TRPC6: variants seen among roughly 807,000 people sequenced by gnomAD.
The protein encoded by TRPC6 is short transient receptor potential channel 6.
Under a neutral mutation model 90.7 loss-of-function variants are expected in TRPC6, and 55 were observed. The ratio of observed to expected loss-of-function variants is 0.61; its 90% confidence interval spans 0.49 to 0.76. The LOEUF is 0.76. Among genes scored for constraint, TRPC6 ranks in the 30% least tolerant of loss-of-function variants. TRPC6 has a pLI of 0.00. For missense variants in TRPC6, 989 were observed against 1,122.7 expected (o/e 0.88, Z 1.70); for synonymous variants, 393 against 393.0 (o/e 1.00, Z 0.00).
chr11:101,559,735 T>G (rs866311669), intron 1 of TRPC6, among the ~76,000 whole-genome samples: 6 of 151,206 alleles, frequency 4.0e-5, no homozygotes, highest in Middle Eastern at 3.4e-3. Flanking sequence ...CTGCACCCAT[T>G]AACTCATCAT....
intron 2 of TRPC6, among the ~76,000 whole-genome samples, chr11:101,497,554 G>C (rs1471451759): frequency 6.6e-6 from 1 of 152,150 alleles, no homozygotes; most frequent in African/African-American, 2.4e-5. Context: ...GTCAGCAGCA[G>C]AGGCATCTGG....
chr11:101,513,501 C>T (rs1356301330), intron 1 of TRPC6, among the ~76,000 whole-genome samples: 1 of 151,926 alleles, frequency 6.6e-6, no homozygotes, highest in Non-Finnish European at 1.5e-5. Flanking sequence ...CCCAAAAAAA[C>T]CTACTGAAAT....
intron 1 of TRPC6, among the ~76,000 whole-genome samples, chr11:101,507,038 C>G (rs1230569745): frequency 6.6e-6 from 1 of 150,704 alleles, no homozygotes; most frequent in Middle Eastern, 3.4e-3. Flanking sequence ...CACACACACA[C>G]ACACACACAC....
At chr11:101,581,841 G>A (rs114916766) in intron 1 of TRPC6, among the ~76,000 whole-genome samples, 131 of 152,298 alleles carry the variant, frequency 8.6e-4, no homozygotes, top group African/African-American at 3.0e-3. Context: ...CTGTACCTAA[G>A]ACCTGCCTTC....
intron 1 of TRPC6, among the ~76,000 whole-genome samples, chr11:101,518,791 G>A (rs565734231): frequency 5.3e-5 from 8 of 152,176 alleles, no homozygotes; most frequent in Non-Finnish European, 1.0e-4. Context: ...AGCAACCTAA[G>A]TGTCCATCAA....
intron 10 of TRPC6, among the ~76,000 whole-genome samples, chr11:101,468,272 C>T (rs1046101982): frequency 1.3e-5 from 2 of 152,192 alleles, no homozygotes; most frequent in African/African-American, 4.8e-5. Flanking sequence ...GGGCTAATGG[C>T]TTAGGGTTCC....
chr11:101,464,555 G>A (rs768854293), intron 10 of TRPC6, among the ~76,000 whole-genome samples: 6 of 152,000 alleles, frequency 3.9e-5, no homozygotes, highest in Non-Finnish European at 7.4e-5. Flanking sequence ...GCCCTTCATT[G>A]TCTTTTGTTC....
intron 1 of TRPC6, among the ~76,000 whole-genome samples, chr11:101,517,715 A>C (rs2136770388): frequency 6.6e-6 from 1 of 152,328 alleles, no homozygotes; most frequent in South Asian, 2.1e-4. Flanking sequence ...GGAATATATA[A>C]AAATTATTAA....
intron 1 of TRPC6, among the ~76,000 whole-genome samples, chr11:101,573,506 A>G (rs78566629): frequency 0.015 from 2,221 of 152,292 alleles, 67 homozygotes; most frequent in Admixed American, 0.063. Context: ...GCTAATGTAA[A>G]TAAAGCTAGG....
chr11:101,457,729 C>G (rs977365575), intron 10 of TRPC6, among the ~76,000 whole-genome samples: 2 of 152,130 alleles, frequency 1.3e-5, no homozygotes, highest in African/African-American at 4.8e-5. Context: ...CCTCTATATC[C>G]TTGGGATCCT....
chr11:101,552,091 T>G (rs1861462666), intron 1 of TRPC6, among the ~76,000 whole-genome samples: 1 of 152,054 alleles, frequency 6.6e-6, no homozygotes, highest in Non-Finnish European at 1.5e-5. Context: ...ATCTTGTAAG[T>G]TTGCAAGTAA....
chr11:101,487,742 A>G (rs1170635221), intron 4 of TRPC6, among the ~76,000 whole-genome samples: 1 of 152,138 alleles, frequency 6.6e-6, no homozygotes, highest in Admixed American at 6.5e-5. Context: ...AATCTGAGAT[A>G]CCAAATTTTG....
intron 2 of TRPC6, among the ~76,000 whole-genome samples, chr11:101,495,089 T>G (rs1010797078): frequency 6.6e-6 from 1 of 152,224 alleles, no homozygotes; most frequent in Admixed American, 6.5e-5. Context: ...GTCATGTCTT[T>G]GGATCACACA....
At chr11:101,515,882 A>C (rs1860506411) in intron 1 of TRPC6, among the ~76,000 whole-genome samples, 1 of 152,142 alleles carries the variant, frequency 6.6e-6, no homozygotes, top group African/African-American at 2.4e-5. Context: ...AATTAATTTC[A>C]CTAAGGCTAG....
chr11:101,583,229 C>A, intron 1 of TRPC6, 105 bp downstream of exon 1: 2 of 1,477,456 alleles, frequency 1.4e-6, no homozygotes, highest in South Asian at 1.3e-5. Flanking sequence ...AGGAGGTACA[C>A]ACGCGGGTTC....
chr11:101,573,942 G>T (rs922726665), intron 1 of TRPC6, among the ~76,000 whole-genome samples: 1 of 127,988 alleles, frequency 7.8e-6, no homozygotes, highest in African/African-American at 3.0e-5. Context: ...GTGTGTGTGT[G>T]TGTGTGTGTG....
intron 11 of TRPC6, among the ~76,000 whole-genome samples, chr11:101,454,039 TG>T (rs1858827507): frequency 6.6e-6 from 1 of 152,124 alleles, no homozygotes; most frequent in South Asian, 2.1e-4. Context: ...AGTCTTTCAG[TG>T]GGGTAGGTAA....
intron 1 of TRPC6, among the ~76,000 whole-genome samples, chr11:101,562,499 A>G (rs1156296184): frequency 6.6e-6 from 1 of 152,128 alleles, no homozygotes; most frequent in Non-Finnish European, 1.5e-5. Flanking sequence ...TTTATATATT[A>G]TATGAAAATG....
chr11:101,458,666 C>A (rs566864298), intron 10 of TRPC6, among the ~76,000 whole-genome samples: 1 of 152,212 alleles, frequency 6.6e-6, no homozygotes, highest in East Asian at 1.9e-4. Flanking sequence ...TGCTAGCAAC[C>A]ACCAGTCAGT....
Sources: allele counts gnomAD v4.1 joint callset (sites outside exome capture counted in the v4.1 genomes callset), GRCh38; gene constraint gnomAD v4.1.1; transcripts MANE v1.5; gene names NCBI Gene and HGNC (gene_info 2026-07-23, HGNC 2026-07-21).